Variants in LRRC34 observed in about 807,000 individuals in gnomAD.
LRRC34 encodes leucine rich repeat containing 34, also known as leucine-rich repeat-containing protein 34.
In LRRC34, 44 loss-of-function variants were observed where a neutral mutation model predicts 48.5. That is an observed-to-expected ratio of 0.91 (90% confidence interval 0.71 to 1.17). LRRC34 has a LOEUF of 1.17. LRRC34 is among the 50% of genes most tolerant of loss of function. The probability of loss-of-function intolerance (pLI) is 0.00; values close to 1 mark genes in which losing one functional copy is unlikely to be tolerated. For missense variants in LRRC34, 502 were observed against 563.0 expected (o/e 0.89, Z 1.10); for synonymous variants, 192 against 197.6 (o/e 0.97, Z 0.24).
intron 7 of LRRC34, among the ~76,000 whole-genome samples, chr3:169,797,298 C>G (rs939123803): frequency 1.3e-5 from 2 of 152,132 alleles, no homozygotes; most frequent in African/African-American, 4.8e-5. Flanking sequence ...GAACTTTGCT[C>G]TTGATCTCTA....
Position 169,812,266 on chromosome 3 carries a change from C to A in LRRC34, c.139+144G>T, listed in dbSNP as rs866693401. ...TTTCTGGGCGCCCCAAACCTCTGGCCACAGCTGGGGTTCCCAGGGGCCCCC... is the reference window on the plus strand; with the variant it reads ...TTTCTGGGCGCCCCAAACCTCTGGCAACAGCTGGGGTTCCCAGGGGCCCCC... On this transcript the variant is annotated intron_variant, in intron 1 of 10. Coordinates refer to ENST00000446859, the MANE Select transcript of LRRC34 (RefSeq NM_001172779.2). This position sits in a 1 kb window ranked among gnomAD's most constrained non-coding sequence, Gnocchi z 4.3. 2.6e-6 allele frequency: 3 copies of A among 1,149,860 alleles called. No individual in the cohort carries two copies. Among genetic ancestry groups the A allele is most frequent in the African/African-American group, 3.3e-5 (2 of 60,634 alleles). 71.2% of individuals were successfully genotyped at this position (1,149,860 alleles called of 1,614,324 possible). A position where few individuals can be genotyped will look rare whatever the true frequency, so the allele number is the denominator to read the frequency against.
Position 169,793,658 on chromosome 3 carries a change from CAA to C in LRRC34, c.1370_1371del (p.Leu457ArgfsTer11). 1 of 1,613,314 alleles carries C rather than the reference CAA, an allele frequency of 6.2e-7. No individual in the cohort carries two copies. Among genetic ancestry groups the C allele is most frequent in the Non-Finnish European group, 8.5e-7 (1 of 1,179,648 alleles). ...YDHSSNAGFA[L>X]VPVGQQP ...TTTCATGGCTGTTGACCTACTGGAA[CAA>C]GAGCAAAACCTGCATTAGATGAGTG... On this transcript the variant is annotated frameshift_variant, in exon 11 of 11. Transcript: ENST00000446859. LOFTEE classifies it high-confidence loss of function.
At chr3:169,796,392 A>G in intron 8 of LRRC34, 23 bp from the exon 9 acceptor site, 1 of 1,586,768 alleles carries the variant, frequency 6.3e-7, no homozygotes, top group Non-Finnish European at 8.5e-7. Context: ...AAATAGTTAT[A>G]TTTGAAAATA....
intron 7 of LRRC34, 116 bp from the exon 8 acceptor site, chr3:169,797,015 GTTAGTCC>G: frequency 1.4e-6 from 1 of 731,446 alleles, no homozygotes; most frequent in Non-Finnish European, 2.0e-6. Context: ...GGTTAAAACT[GTTAGTCC>G]ACAATTTGCA....
chr3:169,796,051 A>G, intron 9 of LRRC34, 163 bp downstream of exon 9: 1 of 1,311,614 alleles, frequency 7.6e-7, no homozygotes, highest in Non-Finnish European at 9.7e-7. Context: ...AAGACATTAC[A>G]TTTGAAAAAT....
intron 6 of LRRC34, among the ~76,000 whole-genome samples, chr3:169,803,425 T>C (rs1401308144): frequency 6.6e-6 from 1 of 152,210 alleles, no homozygotes; most frequent in African/African-American, 2.4e-5. Context: ...TGTGCTACAA[T>C]ATAAGTAACT....
chr3:169,799,693 C>CGATTG (rs1779121649), intron 7 of LRRC34, among the ~76,000 whole-genome samples: 1 of 151,840 alleles, frequency 6.6e-6, no homozygotes, highest in Non-Finnish European at 1.5e-5. Context: ...CAAACACTGA[C>CGATTG]ATTGATTGAT....
intron 9 of LRRC34, chr3:169,795,967 G>A: frequency 8.3e-7 from 1 of 1,203,924 alleles, no homozygotes; most frequent in Non-Finnish European, 1.0e-6. Flanking sequence ...TTAGAATTCA[G>A]GATAAGTAAT....
At chr3:169,802,526 C>A (rs1779230063) in intron 6 of LRRC34, among the ~76,000 whole-genome samples, 1 of 152,128 alleles carries the variant, frequency 6.6e-6, no homozygotes, top group African/African-American at 2.4e-5. Context: ...TGGTGTTTCC[C>A]CAACTAAAAT....
chr3:169,807,375 A>T, intron 4 of LRRC34, 51 bp downstream of exon 4: 1 of 1,496,830 alleles, frequency 6.7e-7, no homozygotes. Flanking sequence ...TCATTAGACT[A>T]ATTGGTTTCA....
chr3:169,801,391 G>A (rs1424982855), intron 6 of LRRC34, among the ~76,000 whole-genome samples: 1 of 152,026 alleles, frequency 6.6e-6, no homozygotes, highest in Admixed American at 6.6e-5. Flanking sequence ...GTCCATCTCT[G>A]TGGCCACCAC....
chr3:169,808,771 A>C (rs1477661631), intron 1 of LRRC34, 26 bp from the exon 2 acceptor site: 4 of 1,198,246 alleles, frequency 3.3e-6, no homozygotes, highest in Non-Finnish European at 1.2e-6. Context: ...ATCCTCTATC[A>C]CATATAAATT....
At position 169,805,575 on chromosome 3, in the gene LRRC34, T is replaced by C. The variant is rs567161029; in HGVS notation, c.528+1273A>G. 6.6e-5 allele frequency among the ~76,000 whole-genome samples: 10 copies of C among 152,288 alleles called. No homozygotes were observed. In the South Asian group the frequency reaches 1.2e-3, roughly 19 times the overall value. ...TCCCCAAGGTGATCTACAGATTTAC[T>C]GTAATTCCTATTAAAATCCCAGCTG... On this transcript the variant is annotated intron_variant, in intron 5 of 10. Coordinates refer to ENST00000446859, the MANE Select transcript of LRRC34 (RefSeq NM_001172779.2).
At chr3:169,805,996 A>G (rs1779358531) in intron 5 of LRRC34, among the ~76,000 whole-genome samples, 1 of 152,228 alleles carries the variant, frequency 6.6e-6, no homozygotes, top group African/African-American at 2.4e-5. Flanking sequence ...CAATCCTGAA[A>G]AAAGAACAAG....
chr3:169,794,291 G>A (rs1778906422), intron 10 of LRRC34: 1 of 158,566 alleles, frequency 6.3e-6, no homozygotes, highest in Non-Finnish European at 1.4e-5. Flanking sequence ...TCCCAGATTT[G>A]GACATACAAT....
At chr3:169,807,033 A>G in intron 4 of LRRC34, 102 bp from the exon 5 acceptor site, 11 of 561,664 alleles carry the variant, frequency 2.0e-5, no homozygotes. Flanking sequence ...CTTTATTTGA[A>G]TAAGTGTTTT....
chr3:169,802,391 C>T (rs2108234203), intron 6 of LRRC34, among the ~76,000 whole-genome samples: 1 of 152,194 alleles, frequency 6.6e-6, no homozygotes, highest in South Asian at 2.1e-4. Flanking sequence ...TTTTTCTCAT[C>T]CTTCATAACT....
At chr3:169,794,094 G>A (rs1778897868) in intron 10 of LRRC34, 1 of 304,684 alleles carries the variant, frequency 3.3e-6, no homozygotes, top group Non-Finnish European at 6.1e-6. Context: ...TTGTCATTTT[G>A]TGACTCCTAG....
At chr3:169,806,260 A>G (rs1779369999) in intron 5 of LRRC34, among the ~76,000 whole-genome samples, 1 of 152,236 alleles carries the variant, frequency 6.6e-6, no homozygotes, top group Non-Finnish European at 1.5e-5. Context: ...TTCCTACCTC[A>G]TACCATATTC....
Sources: allele counts gnomAD v4.1 joint callset (sites outside exome capture counted in the v4.1 genomes callset), GRCh38; gene constraint gnomAD v4.1.1; non-coding constraint Gnocchi (gnomAD v3.1); transcripts MANE v1.5; gene names NCBI Gene and HGNC (gene_info 2026-07-23, HGNC 2026-07-21).